SLC5A11: variants seen among roughly 807,000 people sequenced by gnomAD.
The protein encoded by SLC5A11 is sodium/myo-inositol cotransporter 2.
A neutral mutation model predicts 69.8 loss-of-function variants in SLC5A11; 48 were observed. That is an observed-to-expected ratio of 0.69 (90% CI 0.55 to 0.87). The LOEUF (loss-of-function observed/expected upper bound fraction) is 0.87, where lower values mean the gene tolerates loss of function less well. Ranked by LOEUF, SLC5A11 falls within the 40% of genes least tolerant of loss-of-function variation. The pLI is 0.00. For synonymous variants in SLC5A11, 319 were observed against 342.4 expected (o/e 0.93, Z 0.75); for missense variants, 784 against 866.1 (o/e 0.91, Z 1.19).
At chr16:24,848,856 A>G (rs2059142414) in intron 1 of SLC5A11, among the ~76,000 whole-genome samples, 1 of 152,182 alleles carries the variant, frequency 6.6e-6, no homozygotes, top group South Asian at 2.1e-4. Context: ...GGGAGGTAAG[A>G]CTGGAGGGTC....
chr16:24,852,262 C>T (rs777988347), intron 1 of SLC5A11, among the ~76,000 whole-genome samples: 3 of 152,174 alleles, frequency 2.0e-5, no homozygotes, highest in Non-Finnish European at 2.9e-5. Context: ...AGCTCACCTT[C>T]CCACACCTGT....
chr16:24,877,007 T>C, intron 6 of SLC5A11: 7 of 1,183,450 alleles, frequency 5.9e-6, no homozygotes, highest in Non-Finnish European at 7.7e-6. Flanking sequence ...GTGTGGAAGA[T>C]GGAGTGGGAG....
chr16:24,870,873 CGT>C (rs1167128080), intron 4 of SLC5A11, among the ~76,000 whole-genome samples: 1 of 150,578 alleles, frequency 6.6e-6, no homozygotes, highest in African/African-American at 2.4e-5. Context: ...AAGACTGAAG[CGT>C]ATTTCTGTGT....
At position 24,907,016 on chromosome 16, in the gene SLC5A11, CGCCCCCAGGGCTCCGT is replaced by C; in HGVS notation, c.1115-7_1123del. ...GGACCGAGGCCCATGACCTCCCTTCCGCCCCCAGGGCTCCGTGGGCTGATGATGGCTGTGATGGTGG... is the reference window on the plus strand; with the variant it reads ...GGACCGAGGCCCATGACCTCCCTTCCGGGCTGATGATGGCTGTGATGGTGG... On this transcript the variant is annotated splice_acceptor_variant and splice_polypyrimidine_tract_variant and coding_sequence_variant and intron_variant, in exon 12 of 16. Coordinates refer to ENST00000347898, the Ensembl canonical transcript of SLC5A11. LOFTEE classifies it high-confidence loss of function. The C allele has an allele frequency of 6.2e-7, 1 of 1,613,026 alleles. No individual in the cohort carries two copies. The highest frequency in any genetic ancestry group is 8.5e-7 in the Non-Finnish European group (1 of 1,179,456).
Position 24,880,168 on chromosome 16 carries a change from GA to G in SLC5A11, c.583+2815del, listed in dbSNP as rs932231769. On this transcript the variant is annotated intron_variant, in intron 7 of 15. Coordinates refer to ENST00000347898, the Ensembl canonical transcript of SLC5A11. ...AACTACCCGAGACTGGATAATTTAT[GA>G]AAAAAAAAAGAGGTTTAATTGACTC... Among the ~76,000 whole-genome samples, 14 of 147,560 alleles carry G rather than the reference GA, an allele frequency of 9.5e-5. No individual in the cohort carries two copies. In the East Asian group the frequency reaches 9.9e-4, roughly 10 times the overall value.
chr16:24,898,397 A>G (rs891213837), intron 10 of SLC5A11, among the ~76,000 whole-genome samples: 2 of 150,412 alleles, frequency 1.3e-5, no homozygotes, highest in East Asian at 2.0e-4. Context: ...AAAAATAGAG[A>G]TGCTGTCTTG....
At chr16:24,853,617 C>CCAGCCAGGAATGGCCACCT (rs1293073539) in intron 1 of SLC5A11, among the ~76,000 whole-genome samples, 2 of 152,136 alleles carry the variant, frequency 1.3e-5, no homozygotes, top group Non-Finnish European at 2.9e-5. Context: ...GAAAGAAAGA[C>CCAGCCAGGAATGGCCACCT]CAGCCAGGAA....
intron 9 of SLC5A11, among the ~76,000 whole-genome samples, chr16:24,897,087 G>GGAT (rs1220602817): frequency 6.6e-6 from 1 of 151,392 alleles, no homozygotes; most frequent in Non-Finnish European, 1.5e-5. Context: ...CAAGTAGCTG[G>GGAT]GATTACAAGT....
chr16:24,889,184 A>T (rs951330491), intron 8 of SLC5A11, among the ~76,000 whole-genome samples: 1 of 152,190 alleles, frequency 6.6e-6, no homozygotes, highest in Non-Finnish European at 1.5e-5. Context: ...TAAGAATGAG[A>T]AAAGAAACAA....
At chr16:24,851,744 C>T (rs942223757) in intron 1 of SLC5A11, among the ~76,000 whole-genome samples, 4 of 152,156 alleles carry the variant, frequency 2.6e-5, no homozygotes, top group Non-Finnish European at 5.9e-5. Flanking sequence ...TAATTATTAA[C>T]CTCATTTCGT....
At chr16:24,848,418 G>C (rs900999608) in intron 1 of SLC5A11, among the ~76,000 whole-genome samples, 1 of 152,104 alleles carries the variant, frequency 6.6e-6, no homozygotes, top group African/African-American at 2.4e-5. Context: ...AGACCCGTCT[G>C]GGCAACATAG....
Position 24,869,884 on chromosome 16 carries a change from C to T in SLC5A11, c.208-17C>T, listed in dbSNP as rs777677956. The stretch of plus-strand genomic sequence containing the variant: ...TTGACTTTGTCTCCAAGATCTGACC[C>T]GTCCATCTCCCCACAGGTGGGTGCA... On this transcript the variant is annotated splice_polypyrimidine_tract_variant and intron_variant, in intron 3 of 15. Coordinates refer to ENST00000347898, the Ensembl canonical transcript of SLC5A11. 37 of 1,590,078 alleles carry T rather than the reference C, an allele frequency of 2.3e-5. No individual in the cohort carries two copies. In the East Asian group the frequency reaches 4.5e-4, roughly 19 times the overall value.
rs8059630 is a variant in SLC5A11, at chr16:24,857,168, C to T, written c.-24-1452C>T. ...AATTCTTAACATCTCTCCCCATGAA[C>T]CTGCCCTCTGTGAAACATCACGTTG... On this transcript the variant is annotated intron_variant, in intron 1 of 15. Coordinates refer to ENST00000347898, the Ensembl canonical transcript of SLC5A11. Among the ~76,000 whole-genome samples the T allele has an allele frequency of 6.4e-3, 981 of 152,314 alleles. 9 individuals carry two copies. The highest frequency in any genetic ancestry group is 0.023 in the African/African-American group (941 of 41,570).
At chr16:24,861,807 GAAAA>G (rs1038185188) in intron 2 of SLC5A11, among the ~76,000 whole-genome samples, 1 of 112,532 alleles carries the variant, frequency 8.9e-6, no homozygotes, top group East Asian at 3.0e-4. Context: ...AGAAAGAAAA[GAAAA>G]AAGAAAGAAA....
chr16:24,910,795 C>T (rs1021660356), intron 15 of SLC5A11, among the ~76,000 whole-genome samples: 3 of 152,164 alleles, frequency 2.0e-5, no homozygotes, highest in Non-Finnish European at 4.4e-5. Context: ...TCAGTTAGTG[C>T]TTCTAAACTG....
intron 14 of SLC5A11, 93 bp downstream of exon 15, chr16:24,909,189 G>A (rs1433571690): frequency 7.3e-7 from 1 of 1,362,650 alleles, no homozygotes; most frequent in African/African-American, 1.4e-5. Context: ...GAGACTGATT[G>A]TCCAAAAAGC....
In SLC5A11 at chr16:24,906,892, A is replaced by G. The variant is rs988683680; in HGVS notation, c.1114+128A>G. ...GGGGAGGAAGACTCTGGGCTCCCCAAGAAAGGCTACGTCCTGCAGGAAGCT... is the reference window on the plus strand; with the variant it reads ...GGGGAGGAAGACTCTGGGCTCCCCAGGAAAGGCTACGTCCTGCAGGAAGCT... On this transcript the variant is annotated intron_variant, in intron 11 of 15. Coordinates refer to ENST00000347898, the Ensembl canonical transcript of SLC5A11. 14 of 1,435,930 alleles carry G rather than the reference A, an allele frequency of 9.7e-6. No homozygotes were observed. The African/African-American group carries it at 1.6e-4, about 16-fold the overall frequency. The allele number at this position is 1,435,930 out of a possible 1,614,324, so 88.9% of individuals were successfully genotyped here. A position where few individuals can be genotyped will look rare whatever the true frequency, so the allele number is the denominator to read the frequency against.
rs146295406 is a variant in SLC5A11 at position 24,910,335 on chromosome 16, C to T, written c.1680C>T (p.His560=). The T allele has an allele frequency of 5.1e-5, 82 of 1,614,022 alleles. 2 individuals are homozygous for T. The Middle Eastern group carries it at 6.8e-3, about 133-fold the overall frequency. Residue 560 remains histidine (H), a synonymous_variant, in exon 15 of 16, where the codon CAC becomes CAT. Coordinates refer to ENST00000347898, the Ensembl canonical transcript of SLC5A11. ...GCCACCTGACCTGGTTTACTCGTCA[C>T]GACCCCGTGGTCCAGAAGGAACAAG...
intron 4 of SLC5A11, among the ~76,000 whole-genome samples, chr16:24,870,422 A>C (rs1490877780): frequency 9.2e-5 from 13 of 140,728 alleles, no homozygotes; most frequent in Non-Finnish European, 4.6e-5. Flanking sequence ...AAACAAAACA[A>C]AACAAAAAAA....
Sources: allele counts gnomAD v4.1 joint callset (sites outside exome capture counted in the v4.1 genomes callset), GRCh38; gene constraint gnomAD v4.1.1; transcripts MANE v1.5; gene names NCBI Gene and HGNC (gene_info 2026-07-23, HGNC 2026-07-21).